Variants in MYT1L observed in about 807,000 individuals in gnomAD.
MYT1L encodes the protein myelin transcription factor 1-like protein.
In MYT1L, 12 loss-of-function variants were observed where a neutral mutation model predicts 126.7. That is an observed-to-expected ratio of 0.09 (90% CI 0.06 to 0.15). The LOEUF is 0.15. Ranked by LOEUF, MYT1L falls within the 10% of genes least tolerant of loss-of-function variation. The pLI, the probability that MYT1L is intolerant of heterozygous loss-of-function variation, is 1.00. For missense variants in MYT1L, 979 were observed against 1,585.2 expected, an observed-to-expected ratio of 0.62 and a Z score of 6.49; for synonymous variants, 541 against 604.2, an observed-to-expected ratio of 0.90 and a Z score of 1.53.
chr2:2,284,020 G>A (rs1483264566), intron 2 of MYT1L, among the ~76,000 whole-genome samples: 1 of 152,148 alleles, frequency 6.6e-6, no homozygotes, highest in Non-Finnish European at 1.5e-5. Flanking sequence ...GAGTAGGAGT[G>A]GGAGGAGTTT....
chr2:2,014,099 C>G (rs553072611), intron 4 of MYT1L, among the ~76,000 whole-genome samples: 1 of 152,252 alleles, frequency 6.6e-6, no homozygotes, highest in Admixed American at 6.5e-5. Context: ...AGATTGCCTC[C>G]TTGCACCTTT....
chr2:2,246,707 A>G (rs1239483711), intron 2 of MYT1L, among the ~76,000 whole-genome samples: 2 of 152,222 alleles, frequency 1.3e-5, no homozygotes, highest in African/African-American at 4.8e-5. Flanking sequence ...GATTCTGTGT[A>G]AGATAAGGCT....
chr2:2,174,452 C>T (rs1423093032), intron 2 of MYT1L, among the ~76,000 whole-genome samples: 10 of 152,202 alleles, frequency 6.6e-5, no homozygotes, highest in Admixed American at 6.5e-4. Flanking sequence ...GGAGCATTCA[C>T]CCTGGACAAA....
intron 2 of MYT1L, among the ~76,000 whole-genome samples, chr2:2,265,354 C>T (rs2095100040): frequency 6.6e-6 from 1 of 151,656 alleles, no homozygotes; most frequent in East Asian, 1.9e-4. Context: ...ATGACATCTA[C>T]CTTTTAAGGT....
intron 3 of MYT1L, among the ~76,000 whole-genome samples, chr2:2,156,196 T>A (rs1300431996): frequency 6.6e-6 from 1 of 152,226 alleles, no homozygotes. Flanking sequence ...GCTGGGAAGC[T>A]GTGCTAGGAG....
intron 4 of MYT1L, among the ~76,000 whole-genome samples, chr2:2,051,484 CA>C (rs2068821708): frequency 6.6e-6 from 1 of 152,136 alleles, no homozygotes; most frequent in South Asian, 2.1e-4. Flanking sequence ...ACATGTCCAG[CA>C]ATGAACCGCT....
intron 4 of MYT1L, among the ~76,000 whole-genome samples, chr2:2,026,316 C>A (rs2065567553): frequency 6.6e-6 from 1 of 152,102 alleles, no homozygotes; most frequent in Admixed American, 6.5e-5. Flanking sequence ...TCTGCCCGCA[C>A]CAGAGGAGAC....
chr2:2,188,633 C>G (rs1005307498), intron 2 of MYT1L, among the ~76,000 whole-genome samples: 1 of 152,122 alleles, frequency 6.6e-6, no homozygotes, highest in Admixed American at 6.5e-5. Flanking sequence ...AATAGGAAAT[C>G]CAATGTTCTG....
At chr2:2,243,054 G>C (rs2094468409) in intron 2 of MYT1L, among the ~76,000 whole-genome samples, 1 of 152,150 alleles carries the variant, frequency 6.6e-6, no homozygotes, top group South Asian at 2.1e-4. Context: ...TGTTGACCAA[G>C]GGGCAATGTC....
At chr2:2,064,196 T>C (rs2070920857) in intron 3 of MYT1L, among the ~76,000 whole-genome samples, 1 of 152,156 alleles carries the variant, frequency 6.6e-6, no homozygotes, top group Admixed American at 6.5e-5. Flanking sequence ...GACTTCACAT[T>C]ATTCCTCTTC....
intron 19 of MYT1L, among the ~76,000 whole-genome samples, chr2:1,847,785 A>G (rs547303352): frequency 9.3e-4 from 142 of 152,326 alleles, no homozygotes; most frequent in African/African-American, 3.1e-3. Flanking sequence ...CTGAGGACGG[A>G]GAGTCGGCAA....
At chr2:2,260,040 T>G (rs1318710308) in intron 2 of MYT1L, among the ~76,000 whole-genome samples, 1 of 152,208 alleles carries the variant, frequency 6.6e-6, no homozygotes, top group Non-Finnish European at 1.5e-5. Flanking sequence ...CGTCTTGACA[T>G]TAGCGTGGCC....
chr2:2,074,950 C>G (rs967360958), intron 3 of MYT1L, among the ~76,000 whole-genome samples: 1 of 152,150 alleles, frequency 6.6e-6, no homozygotes, highest in African/African-American at 2.4e-5. Context: ...TTTGAGGTAC[C>G]AGTAGTTACG....
intron 4 of MYT1L, among the ~76,000 whole-genome samples, chr2:2,006,701 G>T (rs1016641275): frequency 6.6e-6 from 1 of 151,996 alleles, no homozygotes; most frequent in African/African-American, 2.4e-5. Context: ...TCAGCCTCCA[G>T]AGTAGCTGAG....
At chr2:2,301,176 C>T (rs2095778558) in intron 1 of MYT1L, among the ~76,000 whole-genome samples, 1 of 152,168 alleles carries the variant, frequency 6.6e-6, no homozygotes, top group Admixed American at 6.5e-5. Flanking sequence ...TTTCTCTTCG[C>T]CCTTGTGCAG....
intron 4 of MYT1L, among the ~76,000 whole-genome samples, chr2:2,025,867 T>G (rs1003322463): frequency 1.3e-5 from 2 of 152,200 alleles, no homozygotes; most frequent in African/African-American, 4.8e-5. Context: ...ATACTCAAAC[T>G]CAATATTCAG....
chr2:2,028,736 A>T (rs1315690962), intron 4 of MYT1L, among the ~76,000 whole-genome samples: 4 of 152,184 alleles, frequency 2.6e-5, no homozygotes, highest in Non-Finnish European at 5.9e-5. Context: ...GATTCAATAG[A>T]CTTTTCCTGG....
intron 2 of MYT1L, among the ~76,000 whole-genome samples, chr2:2,262,813 A>C (rs1005570741): frequency 6.7e-6 from 1 of 148,926 alleles, no homozygotes; most frequent in African/African-American, 2.5e-5. Context: ...CCAAATAAAG[A>C]CATGTGTTTC....
chr2:2,238,059 T>C (rs989371983), intron 2 of MYT1L, among the ~76,000 whole-genome samples: 34 of 152,214 alleles, frequency 2.2e-4, no homozygotes, highest in African/African-American at 8.2e-4. Flanking sequence ...TCATGACACG[T>C]TCAAAGAAGA....
Sources: allele counts gnomAD v4.1 joint callset (sites outside exome capture counted in the v4.1 genomes callset), GRCh38; gene constraint gnomAD v4.1.1; transcripts MANE v1.5; gene names NCBI Gene and HGNC (gene_info 2026-07-23, HGNC 2026-07-21).